DNAH8: variants seen among roughly 807,000 people sequenced by gnomAD.
DNAH8 encodes the protein dynein axonemal heavy chain 8.
In DNAH8, 382 loss-of-function variants were observed where a neutral mutation model predicts 562.1. That is an observed-to-expected ratio of 0.68 (90% CI 0.63 to 0.74). The LOEUF is 0.74. DNAH8 is among the 30% of genes least tolerant of loss of function. The pLI is 0.00. For missense variants in DNAH8, 5,203 were observed against 5,620.4 expected, an observed-to-expected ratio of 0.93 and a Z score of 2.37; for synonymous variants, 1,881 against 1,919.4, an observed-to-expected ratio of 0.98 and a Z score of 0.52.
intron 80 of DNAH8, among the ~76,000 whole-genome samples, chr6:38,948,761 G>C (rs1761637775): frequency 6.6e-6 from 1 of 152,190 alleles, no homozygotes; most frequent in African/African-American, 2.4e-5. Context: ...GCGTCAGTGA[G>C]CACCTTTTAA....
rs544640614 is a variant in DNAH8, at chr6:38,863,806, A to C, written c.6311-67A>C. 100 of 1,338,780 alleles carry C rather than the reference A, an allele frequency of 7.5e-5. No individual in the cohort carries two copies. The African/African-American group carries it at 1.4e-3, about 18-fold the overall frequency. 82.9% of individuals were successfully genotyped at this position (1,338,780 alleles called of 1,614,324 possible). ...GTATAATGGTTTGGGAGCACTGGAGAAATGATTGTTATCAAGAAGGTATAT... is the reference window on the plus strand; with the variant it reads ...GTATAATGGTTTGGGAGCACTGGAGCAATGATTGTTATCAAGAAGGTATAT... On this transcript the variant is annotated intron_variant, in intron 44 of 92. Coordinates refer to ENST00000327475, the MANE Select transcript of DNAH8 (RefSeq NM_001206927.2).
At chr6:38,883,778 G>C (rs945750178) in intron 55 of DNAH8, 98 bp from the exon 56 acceptor site, 1 of 995,412 alleles carries the variant, frequency 1.0e-6, no homozygotes, top group African/African-American at 1.7e-5. Context: ...TATTAAATGC[G>C]TAAGTAAATT....
At chr6:39,028,376 A>G (rs1273037748) in intron 92 of DNAH8, among the ~76,000 whole-genome samples, 1 of 152,204 alleles carries the variant, frequency 6.6e-6, no homozygotes, top group Non-Finnish European at 1.5e-5. Context: ...TGGAGGCCCC[A>G]AGGGAAAATC....
At chr6:39,007,657 C>G (rs1765882129) in intron 88 of DNAH8, among the ~76,000 whole-genome samples, 1 of 152,128 alleles carries the variant, frequency 6.6e-6, no homozygotes, top group African/African-American at 2.4e-5. Flanking sequence ...TGGCTCCTGC[C>G]TCTTCTCTGT....
intron 6 of DNAH8, 65 bp downstream of exon 6, chr6:38,737,321 A>G: frequency 1.0e-6 from 1 of 991,336 alleles, no homozygotes; most frequent in Non-Finnish European, 1.4e-6. Flanking sequence ...GATATTTCAT[A>G]AACAGAGAAA....
At position 38,778,414 on chromosome 6, in the gene DNAH8, T is replaced by G. The variant is rs1416476047; in HGVS notation, c.1989T>G (p.Ser663Arg). ...LEVQIQAFMN[S>R]SFGKILSSQQ... Reference sequence around the variant, plus strand: ...TACAAATACAGGCATTTATGAACAGTAGTTTTGGGAAAATCTTATCTTCTC... The same window carrying G: ...TACAAATACAGGCATTTATGAACAGGAGTTTTGGGAAAATCTTATCTTCTC... The change falls in exon 14 of 93, where the codon AGT becomes AGG. Residue 663 changes from serine to arginine, a missense_variant. Physicochemically the swap from Ser to Arg is moderately radical, Grantham distance 110 (BLOSUM62 -1). Transcript: ENST00000327475. The G allele has an allele frequency of 1.3e-6, 2 of 1,586,816 alleles. No individual in the cohort carries two copies. The highest frequency in any genetic ancestry group is 1.3e-5 in the African/African-American group (1 of 74,566).
At chr6:38,844,762 C>A (rs1775145007) in intron 35 of DNAH8, among the ~76,000 whole-genome samples, 2 of 152,120 alleles carry the variant, frequency 1.3e-5, no homozygotes, top group African/African-American at 4.8e-5. Flanking sequence ...GGACTCACTG[C>A]CTCTAAAGGA....
At chr6:38,957,319 A>G (rs1322169028) in intron 82 of DNAH8, among the ~76,000 whole-genome samples, 2 of 148,806 alleles carry the variant, frequency 1.3e-5, no homozygotes, top group Non-Finnish European at 3.0e-5. Context: ...AATAAAAGAT[A>G]TAATTAATAA....
intron 9 of DNAH8, among the ~76,000 whole-genome samples, chr6:38,751,126 C>G (rs1411626739): frequency 6.6e-6 from 1 of 152,194 alleles, no homozygotes; most frequent in Admixed American, 6.5e-5. Flanking sequence ...GCTTCAAAGT[C>G]TCTCATGAGG....
In DNAH8 at chr6:38,908,104, T is replaced by C; in HGVS notation, c.9497T>C (p.Val3166Ala). The C allele has an allele frequency of 2.5e-6, 4 of 1,568,718 alleles. No homozygotes were observed. Among genetic ancestry groups the C allele is most frequent in the Non-Finnish European group, 2.6e-6 (3 of 1,159,878 alleles). The change falls in exon 64 of 93, where the codon GTT becomes GCT. Residue 3166 changes from valine (V) to alanine (A), a missense_variant. Val to Ala is a moderately conservative substitution (Grantham distance 64). Around this residue, in one of 6 missense-constraint regions of DNAH8, gnomAD observed 977 missense variants for 1,061.8 expected, o/e 0.92. Transcript: ENST00000327475. Reference protein sequence around the residue: ...ISRSRKNLHVVLCFSPVGEKF... With the variant: ...ISRSRKNLHVALCFSPVGEKF... ...AGATCAAGGAAGAACTTACATGTTG[T>C]TCTCTGCTTTTCTCCAGTAAGTTTT...
At position 38,842,828 on chromosome 6, in the gene DNAH8, T is replaced by G; in HGVS notation, c.4770T>G (p.Phe1590Leu). ...TCTCCGAGTTAACTGGAACCCCATT[T>G]GATGTGGAATCTGATTCTTTTTGCC... ...DRISELTGTP[F>L]DVESDSFCLR... The change falls in exon 35 of 93, where the codon TTT becomes TTG. Residue 1590 changes from phenylalanine (F) to leucine (L), a missense_variant. This residue lies in a region of DNAH8 where 2,176 missense variants were observed against 2,365.1 expected (regional missense o/e 0.92). Transcript: ENST00000327475. The G allele has an allele frequency of 1.2e-6, 2 of 1,613,958 alleles. No individual in the cohort carries two copies. The highest frequency in any genetic ancestry group is 1.7e-6 in the Non-Finnish European group (2 of 1,179,892).
intron 21 of DNAH8, among the ~76,000 whole-genome samples, chr6:38,794,109 G>A (rs563742692): frequency 3.4e-4 from 52 of 152,320 alleles, no homozygotes; most frequent in Non-Finnish European, 7.1e-4. Context: ...CCAAACCTAT[G>A]TAAGGGTAAA....
chr6:38,915,396 C>T lies in DNAH8; in HGVS notation c.10140+19C>T. ...CCTGAATGTGAGCAGTGCATTGTTA[C>T]CCCTTCCAACACAAGTCCTAGAAGG... On this transcript the variant is annotated intron_variant, in intron 68 of 92. Coordinates refer to ENST00000327475, the MANE Select transcript of DNAH8 (RefSeq NM_001206927.2). 3.3e-6 allele frequency: 5 copies of T among 1,518,874 alleles called. No individual in the cohort carries two copies. The highest frequency in any genetic ancestry group is 4.4e-6 in the Non-Finnish European group (5 of 1,140,662). The allele number at this position is 1,518,874 out of a possible 1,614,324, so 94.1% of individuals were successfully genotyped here.
rs777887101 is a variant in DNAH8 at position 38,938,814 on chromosome 6, C to T, written c.11833C>T (p.Leu3945=). 5.0e-6 allele frequency: 8 copies of T among 1,605,736 alleles called. No homozygotes were observed. In the African/African-American group the frequency reaches 9.4e-5, roughly 19 times the overall value. ...QSMARSEKSP[L]PQKRITNIIE... ...GTGTTTCAGATCTGAAAAGTCACCA[C>T]TACCTCAAAAGAGAATTACAAATAT... Residue 3945 remains leucine (L), a synonymous_variant, in exon 79 of 93, where the codon CTA becomes TTA. Transcript: ENST00000327475.
intron 38 of DNAH8, among the ~76,000 whole-genome samples, chr6:38,850,907 C>T (rs1459460098): frequency 1.3e-5 from 2 of 152,222 alleles, no homozygotes; most frequent in East Asian, 3.9e-4. Context: ...TCCTTAACTT[C>T]ACTCCCTCTG....
intron 64 of DNAH8, 49 bp downstream of exon 64, chr6:38,908,169 A>G (rs1780625889): frequency 1.7e-6 from 2 of 1,164,304 alleles, no homozygotes; most frequent in Admixed American, 2.8e-5. Flanking sequence ...TTCCTTATTT[A>G]AAGGTGCTTA....
chr6:38,844,450 A>G (rs1480466259), intron 35 of DNAH8, among the ~76,000 whole-genome samples: 1 of 152,186 alleles, frequency 6.6e-6, no homozygotes. Flanking sequence ...ACCTCTTTTT[A>G]ACAACATGTG....
chr6:39,011,775 T>C (rs533812932), intron 89 of DNAH8, among the ~76,000 whole-genome samples: 5 of 152,232 alleles, frequency 3.3e-5, no homozygotes, highest in Non-Finnish European at 7.3e-5. Context: ...TATTTGTTGG[T>C]AACTGCTCTG....
chr6:38,803,409 C>G (rs1321233967), intron 22 of DNAH8, 98 bp downstream of exon 22: 18 of 826,614 alleles, frequency 2.2e-5, no homozygotes, highest in Non-Finnish European at 3.4e-5. Context: ...CAGACCCTCC[C>G]TTCCCCAGAA....
Sources: gnomAD v4.1 joint callset for allele counts (sites outside exome capture counted in the v4.1 genomes callset) on GRCh38, gnomAD v4.1.1 for gene constraint, gnomAD v4.1.1 regional missense constraint, MANE v1.5 for transcripts, NCBI Gene and HGNC (gene_info 2026-07-23, HGNC 2026-07-21) for gene names.